CELF4: variants seen among roughly 807,000 people sequenced by gnomAD.
CELF4 encodes CUG-BP- and ETR-3-like factor 4.
CELF4 carries 18 observed loss-of-function variants against 59.9 expected under a neutral mutation model. That is an observed-to-expected ratio of 0.30 (90% CI 0.21 to 0.45). The LOEUF (loss-of-function observed/expected upper bound fraction) is 0.45, where lower values mean the gene tolerates loss of function less well. CELF4 is among the 20% of genes least tolerant of loss of function. The pLI is 1.00. For synonymous variants in CELF4, 261 were observed against 267.1 expected (o/e 0.98, Z 0.22); for missense variants, 456 against 689.0 (o/e 0.66, Z 3.79).
chr18:37,386,542 G>T (rs2099101577), intron 2 of CELF4, among the ~76,000 whole-genome samples: 1 of 152,208 alleles, frequency 6.6e-6, no homozygotes, highest in African/African-American at 2.4e-5. Context: ...AGATGATGGT[G>T]CCATTAACTG....
At chr18:37,300,794 C>T (rs1049281409) in intron 3 of CELF4, among the ~76,000 whole-genome samples, 3 of 152,184 alleles carry the variant, frequency 2.0e-5, no homozygotes, top group Non-Finnish European at 4.4e-5. Flanking sequence ...GAAGTCAGGA[C>T]AGGTCGTGGG....
chr18:37,274,476 A>T (rs748869284), intron 5 of CELF4, 22 bp from the exon 6 acceptor site: 1 of 1,611,674 alleles, frequency 6.2e-7, no homozygotes, highest in South Asian at 1.1e-5. Context: ...GCGGCGCGTG[A>T]GACCCACCTG....
At chr18:37,466,362 T>A (rs1343278191) in intron 2 of CELF4, among the ~76,000 whole-genome samples, 1 of 149,226 alleles carries the variant, frequency 6.7e-6, no homozygotes, top group East Asian at 2.0e-4. Context: ...AGTGACAGTT[T>A]GATGCCTAAA....
intron 2 of CELF4, among the ~76,000 whole-genome samples, chr18:37,391,027 T>C (rs796108307): frequency 1.8e-4 from 28 of 152,218 alleles, no homozygotes; most frequent in African/African-American, 6.5e-4. Context: ...GCCCTGAATG[T>C]GGAGGCTGCC....
In CELF4 at chr18:37,266,605, G is replaced by A. The variant is rs758031828; in HGVS notation, c.1100-7C>T. On this transcript the variant is annotated splice_polypyrimidine_tract_variant and splice_region_variant and intron_variant, in intron 8 of 12. Transcript: ENST00000420428. The stretch of plus-strand genomic sequence containing the variant: ...GCGGCGGTGGGGCTCTGTGCTGTAG[G>A]GAGCCAAGGGGACAGAGGTCAGCAG... 3 of 1,580,206 alleles carry A rather than the reference G, an allele frequency of 1.9e-6. No individual in the cohort carries two copies. The highest frequency in any genetic ancestry group is 2.3e-5 in the South Asian group (2 of 86,162).
intron 1 of CELF4, among the ~76,000 whole-genome samples, chr18:37,542,794 C>T (rs759462550): frequency 6.6e-6 from 1 of 152,116 alleles, no homozygotes; most frequent in Non-Finnish European, 1.5e-5. Flanking sequence ...CATAATAACT[C>T]ATGAAGCCAG....
intron 1 of CELF4, chr18:37,529,082 A>G (rs2099966842): frequency 6.6e-6 from 1 of 152,068 alleles, no homozygotes; most frequent in Non-Finnish European, 1.5e-5. Context: ...AGGATTAAGA[A>G]CCAGGGTCTC....
intron 2 of CELF4, among the ~76,000 whole-genome samples, chr18:37,332,341 C>T (rs551006287): frequency 7.9e-4 from 121 of 152,280 alleles, no homozygotes; most frequent in Middle Eastern, 6.8e-3. Flanking sequence ...TTGCAGCCCA[C>T]GTAGCCTCAC....
At chr18:37,394,646 G>A (rs946218856) in intron 2 of CELF4, among the ~76,000 whole-genome samples, 27 of 152,300 alleles carry the variant, frequency 1.8e-4, no homozygotes, top group Non-Finnish European at 3.5e-4. Flanking sequence ...GCCCTCCCAC[G>A]ACAGCCCCAG....
intron 2 of CELF4, among the ~76,000 whole-genome samples, chr18:37,364,190 T>C (rs1032758458): frequency 6.6e-6 from 1 of 152,288 alleles, no homozygotes; most frequent in Middle Eastern, 3.4e-3. Flanking sequence ...AGTGGGTGCA[T>C]GTGCCCCTTC....
At chr18:37,414,503 C>CTTTTTTTTTTTTTT (rs55943928) in intron 2 of CELF4, among the ~76,000 whole-genome samples, 9 of 116,062 alleles carry the variant, frequency 7.8e-5, no homozygotes, top group East Asian at 5.0e-4. Flanking sequence ...CTTTTCTTTT[C>CTTTTTTTTTTTTTT]TTTTTTTTTT....
intron 3 of CELF4, among the ~76,000 whole-genome samples, chr18:37,295,607 T>C (rs2095591253): frequency 6.6e-6 from 1 of 152,198 alleles, no homozygotes; most frequent in African/African-American, 2.4e-5. Context: ...TCAGAAATAA[T>C]ATTATTGTTA....
chr18:37,387,166 G>A (rs2099108318), intron 2 of CELF4, among the ~76,000 whole-genome samples: 1 of 152,236 alleles, frequency 6.6e-6, no homozygotes, highest in Non-Finnish European at 1.5e-5. Context: ...AGTTCCCCTG[G>A]TTCCTTGTCC....
At chr18:37,362,646 C>G (rs1405311881) in intron 2 of CELF4, among the ~76,000 whole-genome samples, 1 of 148,300 alleles carries the variant, frequency 6.7e-6, no homozygotes, top group South Asian at 2.2e-4. Context: ...TACCCTAGCT[C>G]GAACAGGCCA....
chr18:37,353,919 C>A (rs563987606), intron 2 of CELF4, among the ~76,000 whole-genome samples: 1 of 151,854 alleles, frequency 6.6e-6, no homozygotes, highest in Non-Finnish European at 1.5e-5. Flanking sequence ...ACACGCCCAG[C>A]TAATTTTTTG....
chr18:37,555,701 T>C, intron 1 of CELF4, among the ~76,000 whole-genome samples: 1 of 152,222 alleles, frequency 6.6e-6, no homozygotes, highest in East Asian at 1.9e-4. Flanking sequence ...CACAACTGAA[T>C]CACTCTGGGC....
intron 1 of CELF4, among the ~76,000 whole-genome samples, chr18:37,493,839 C>T (rs1183083102): frequency 6.6e-6 from 1 of 152,194 alleles, no homozygotes; most frequent in Non-Finnish European, 1.5e-5. Context: ...CTCTTTAAAT[C>T]AGAAACTCCA....
At chr18:37,446,845 C>G (rs745691132) in intron 2 of CELF4, among the ~76,000 whole-genome samples, 1 of 152,116 alleles carries the variant, frequency 6.6e-6, no homozygotes, top group African/African-American at 2.4e-5. Context: ...AAGTCAGTAC[C>G]ACATTACTGG....
chr18:37,329,108 G>C (rs535597310), intron 2 of CELF4, among the ~76,000 whole-genome samples: 97 of 145,646 alleles, frequency 6.7e-4, no homozygotes, highest in Non-Finnish European at 4.0e-4. Context: ...GCAAATATCA[G>C]GGCATTTACC....
Sources: gnomAD v4.1 joint callset for allele counts (sites outside exome capture counted in the v4.1 genomes callset) on GRCh38, gnomAD v4.1.1 for gene constraint, MANE v1.5 for transcripts, NCBI Gene and HGNC (gene_info 2026-07-23, HGNC 2026-07-21) for gene names.